CARD16: variants seen among roughly 807,000 people sequenced by gnomAD.
The protein encoded by CARD16 is caspase recruitment domain family member 16.
CARD16 carries 8 observed loss-of-function variants against 11.9 expected under a neutral mutation model. The observed-to-expected ratio is 0.67, with a 90% CI of 0.39 to 1.21. The LOEUF is 1.21. Ranked by LOEUF, CARD16 falls within the 50% of genes most tolerant of loss-of-function variation. The pLI is 0.01. For synonymous variants in CARD16, 44 were observed against 43.8 expected (o/e 1.00, Z -0.02); for missense variants, 131 against 118.1 (o/e 1.11, Z -0.51).
At chr11:105,045,065 A>C (rs1018662269) in intron 1 of CARD16, 1 of 652,674 alleles carries the variant, frequency 1.5e-6, no homozygotes, top group African/African-American at 1.8e-5. Context: ...TAAGATTGCA[A>C]AATGACAGCA....
intron 3 of CARD16, among the ~76,000 whole-genome samples, chr11:105,042,146 T>G (rs1864122989): frequency 6.6e-6 from 1 of 152,236 alleles, no homozygotes; most frequent in African/African-American, 2.4e-5. Flanking sequence ...ATCCTTTTAT[T>G]TATTTACCTA....
At chr11:105,041,864 T>C in intron 3 of CARD16, 145 bp from the exon 4 acceptor site, 1 of 731,446 alleles carries the variant, frequency 1.4e-6, no homozygotes, top group Non-Finnish European at 2.2e-6. Context: ...CGTTTGCTGC[T>C]AATGGAGCAC....
At chr11:105,043,084 C>T (rs1565232845) in intron 3 of CARD16, among the ~76,000 whole-genome samples, 1 of 152,014 alleles carries the variant, frequency 6.6e-6, no homozygotes, top group South Asian at 2.1e-4. Flanking sequence ...GTTTCAAGTT[C>T]CTGGATTGAA....
At chr11:105,043,441 G>A in intron 3 of CARD16, 42 bp downstream of exon 3, 3 of 1,368,146 alleles carry the variant, frequency 2.2e-6, no homozygotes, top group Non-Finnish European at 2.1e-6. Context: ...TGTTAAAGAA[G>A]ATGGGGTTCA....
intron 2 of CARD16, 124 bp downstream of exon 2, chr11:105,044,268 G>A: frequency 6.7e-7 from 1 of 1,501,448 alleles, no homozygotes; most frequent in Non-Finnish European, 9.1e-7. Flanking sequence ...CTCTGCTACA[G>A]AAATATGGCC....
chr11:105,045,292 G>T lies in CARD16; in HGVS notation c.6C>A (p.Ala2=), dbSNP rs1054313022. 2 of 1,613,806 alleles carry T rather than the reference G, an allele frequency of 1.2e-6. No homozygotes were observed. The highest frequency in any genetic ancestry group is 1.3e-5 in the African/African-American group (1 of 74,884). ...TTCTTGGAACAGTAAAAGACTCACC[G>T]GCCATGGCTTTTCTCTCCTACCCTT... M[A]DKVLKEKRKL... Residue 2 remains alanine (A), a splice_region_variant and synonymous_variant, in exon 1 of 4, where the codon GCC becomes GCA. Coordinates refer to ENST00000673097, the MANE Select transcript of CARD16 (RefSeq NM_052889.4).
rs10598126 is a variant in CARD16, at chr11:105,045,089, GTC to G, written c.7+200_7+201del. On this transcript the variant is annotated intron_variant, in intron 1 of 3. Coordinates refer to ENST00000673097, the MANE Select transcript of CARD16 (RefSeq NM_052889.4). ...AAAATGACAGCAGGCTACCCCTAAA[GTC>G]TCTGTTCCTTTCTGGGCTTGCCTTT... The G allele has an allele frequency of 0.016, 11,488 of 714,658 alleles. 899 individuals are homozygous for G. The African/African-American group carries it at 0.18, about 11-fold the overall frequency. 44.3% of individuals were successfully genotyped at this position (714,658 alleles called of 1,614,324 possible). A position where few individuals can be genotyped will look rare whatever the true frequency, so the allele number is the denominator to read the frequency against.
intron 1 of CARD16, 145 bp from the exon 2 acceptor site, chr11:105,044,803 C>T: frequency 2.1e-6 from 3 of 1,425,194 alleles, no homozygotes; most frequent in South Asian, 2.7e-5. Flanking sequence ...TACTGTATTG[C>T]TGTCCTACTT....
At chr11:105,044,935 A>G (rs1301545777) in intron 1 of CARD16, 61 of 624,002 alleles carry the variant, frequency 9.8e-5, no homozygotes, top group South Asian at 6.0e-4. Flanking sequence ...TTTAACTCTG[A>G]ATAATAAAGT....
In CARD16 at chr11:105,041,681, A is replaced by C. The variant is rs1223993737; in HGVS notation, c.*82T>G. On this transcript the variant is annotated 3_prime_UTR_variant, in exon 4 of 4. Transcript: ENST00000673097. ...TTGATTCTGCCTTCTGGGCTTGAGC[A>C]TGTGGGCATAGCTGGGTTGTCCTGC... 5 of 1,613,844 alleles carry C rather than the reference A, an allele frequency of 3.1e-6. No homozygotes were observed. Among genetic ancestry groups the C allele is most frequent in the Non-Finnish European group, 4.2e-6 (5 of 1,179,918 alleles).
chr11:105,043,446 G>A, intron 3 of CARD16, 37 bp downstream of exon 3: 5 of 1,420,030 alleles, frequency 3.5e-6, no homozygotes, highest in Non-Finnish European at 4.0e-6. Context: ...AAGAAGATGG[G>A]GTTCAAAGAA....
chr11:105,043,793 G>T (rs887003411), intron 2 of CARD16: 1 of 418,698 alleles, frequency 2.4e-6, no homozygotes, highest in Admixed American at 4.1e-5. Flanking sequence ...GGAAGTCCAG[G>T]CCTCCCAGTA....
intron 3 of CARD16, among the ~76,000 whole-genome samples, chr11:105,042,515 A>G (rs1431320577): frequency 2.0e-5 from 3 of 152,176 alleles, no homozygotes; most frequent in Admixed American, 1.3e-4. Flanking sequence ...TATCCAGAGG[A>G]TCTTTTAGAA....
chr11:105,043,784 G>C lies in CARD16; in HGVS notation c.275-239C>G, dbSNP rs1864149463. On this transcript the variant is annotated intron_variant, in intron 2 of 3. Coordinates refer to ENST00000673097, the MANE Select transcript of CARD16 (RefSeq NM_052889.4). ...GGCCCTAGGAGGGCTGCAGATGATG[G>C]AAGTCCAGGCCTCCCAGTATGATCT... is the stretch of plus-strand genomic sequence containing the variant. The C allele has an allele frequency of 9.3e-6, 4 of 429,038 alleles. No individual in the cohort carries two copies. The South Asian group carries it at 1.6e-4, about 17-fold the overall frequency. 26.6% of individuals were successfully genotyped at this position (429,038 alleles called of 1,614,324 possible).
intron 1 of CARD16, 22 bp from the exon 2 acceptor site, chr11:105,044,680 C>T (rs1301871007): frequency 6.2e-7 from 1 of 1,612,200 alleles, no homozygotes; most frequent in Non-Finnish European, 8.5e-7. Flanking sequence ...ACAAGGATTT[C>T]TCACATCATG....
rs550449745 is a variant in CARD16, at chr11:105,044,331, T to A, written c.274+61A>T. 135 of 1,609,298 alleles carry A rather than the reference T, an allele frequency of 8.4e-5. 1 individual carries two copies. The South Asian group carries it at 1.4e-3, about 17-fold the overall frequency. ...CAGATTAACATGACTAGTAAAGAAA[T>A]CAAATGTTAGGCACGAAGACAGGCC... On this transcript the variant is annotated intron_variant, in intron 2 of 3. Transcript: ENST00000673097.
Position 105,045,299 on chromosome 11 carries a change from G to A in CARD16, c.-2C>T, listed in dbSNP as rs1386577053. On this transcript the variant is annotated 5_prime_UTR_variant, in exon 1 of 4. Coordinates refer to ENST00000673097, the MANE Select transcript of CARD16 (RefSeq NM_052889.4). Reference sequence around the variant, plus strand: ...AACAGTAAAAGACTCACCGGCCATGGCTTTTCTCTCCTACCCTTCTTGTGT... The same window carrying A: ...AACAGTAAAAGACTCACCGGCCATGACTTTTCTCTCCTACCCTTCTTGTGT... 3 of 1,613,828 alleles carry A rather than the reference G, an allele frequency of 1.9e-6. No homozygotes were observed. The highest frequency in any genetic ancestry group is 2.7e-5 in the African/African-American group (2 of 74,892).
intron 3 of CARD16, 146 bp downstream of exon 3, chr11:105,043,337 G>T: frequency 4.3e-6 from 2 of 460,656 alleles, no homozygotes; most frequent in Non-Finnish European, 3.8e-6. Flanking sequence ...AACAGTTTCT[G>T]CAAAAACAGA....
chr11:105,044,256 G>C, intron 2 of CARD16, 136 bp downstream of exon 2: 1 of 1,393,924 alleles, frequency 7.2e-7, no homozygotes, highest in Non-Finnish European at 9.9e-7. Context: ...ATGCAATAGG[G>C]CCTCTGCTAC....
Sources: gnomAD v4.1 joint callset for allele counts (sites outside exome capture counted in the v4.1 genomes callset) on GRCh38, gnomAD v4.1.1 for gene constraint, MANE v1.5 for transcripts, NCBI Gene and HGNC (gene_info 2026-07-23, HGNC 2026-07-21) for gene names.